Variants in GPHN observed in about 807,000 individuals in gnomAD.
The protein encoded by GPHN is gephyrin.
GPHN carries 17 observed loss-of-function variants against 95.5 expected under a neutral mutation model. The observed-to-expected ratio is 0.18, with a 90% CI of 0.12 to 0.27. The LOEUF (loss-of-function observed/expected upper bound fraction) is 0.27, where lower values mean the gene tolerates loss of function less well. Among genes scored for constraint, GPHN ranks in the 10% least tolerant of loss-of-function variants. The pLI, the probability that GPHN is intolerant of heterozygous loss-of-function variation, is 1.00. For synonymous variants in GPHN, 320 were observed against 322.5 expected (o/e 0.99, Z 0.08); for missense variants, 660 against 978.1 (o/e 0.67, Z 4.34).
At chr14:67,537,931 G>C in the GPHN span, among the ~76,000 whole-genome samples, 1 of 152,160 alleles carries the variant, frequency 6.6e-6, no homozygotes, top group Non-Finnish European at 1.5e-5. Flanking sequence ...CAAGACTATG[G>C]CAGTTTTTTG....
intron 9 of GPHN, among the ~76,000 whole-genome samples, chr14:66,981,619 G>C (rs998310511): frequency 3.9e-5 from 6 of 152,046 alleles, no homozygotes; most frequent in African/African-American, 1.4e-4. Context: ...AAAAAGCCAT[G>C]ATATGGTATA....
In GPHN at chr14:66,748,292, A is replaced by G. The variant is rs2058234927; in HGVS notation, c.144-28172A>G. Among the ~76,000 whole-genome samples the G allele has an allele frequency of 3.3e-5, 5 of 152,200 alleles. No homozygotes were observed. In the South Asian group the frequency reaches 1.0e-3, roughly 32 times the overall value. ...AAAGTTATCACAGGCTTTCTATGGT[A>G]TATGGAATTATAATAACATACTTTT... On this transcript the variant is annotated intron_variant, in intron 2 of 22. Coordinates refer to ENST00000478722, the MANE Select transcript of GPHN (RefSeq NM_020806.5).
the GPHN span, chr14:67,562,098 C>T: frequency 6.2e-6 from 10 of 1,611,184 alleles, no homozygotes; most frequent in South Asian, 2.2e-5. Flanking sequence ...GGCTGAGCTA[C>T]GGGAGCTCTC....
At chr14:66,924,127 C>A in intron 7 of GPHN, 67 bp from the exon 8 acceptor site, 1 of 877,586 alleles carries the variant, frequency 1.1e-6, no homozygotes, top group Non-Finnish European at 1.9e-6. Context: ...CCTTTTTAGT[C>A]ATTTTGCTTG....
intron 4 of GPHN, among the ~76,000 whole-genome samples, chr14:66,832,245 T>A (rs551157548): frequency 3.3e-5 from 5 of 152,306 alleles, no homozygotes; most frequent in South Asian, 2.1e-4. Flanking sequence ...TTCATTGACT[T>A]GCCCAAGACT....
At chr14:66,975,908 T>C (rs1182252572) in intron 9 of GPHN, among the ~76,000 whole-genome samples, 1 of 152,134 alleles carries the variant, frequency 6.6e-6, no homozygotes, top group Non-Finnish European at 1.5e-5. Flanking sequence ...TGAGGACTAG[T>C]TGACCTCAGT....
intron 1 of GPHN, among the ~76,000 whole-genome samples, chr14:66,608,554 T>G (rs1026529786): frequency 1.3e-5 from 2 of 152,142 alleles, no homozygotes; most frequent in African/African-American, 4.8e-5. Flanking sequence ...GTTTTCTTCC[T>G]CAGTGATCTG....
rs1294743791 is a variant in GPHN at position 67,174,852 on chromosome 14, A to T, written c.2080-4726A>T. Among the ~76,000 whole-genome samples, 4 of 151,758 alleles carry T rather than the reference A, an allele frequency of 2.6e-5. No homozygotes were observed. The East Asian group carries it at 7.7e-4, about 29-fold the overall frequency. On this transcript the variant is annotated intron_variant, in intron 21 of 22. Coordinates refer to ENST00000478722, the MANE Select transcript of GPHN (RefSeq NM_020806.5). ...CCAGTCATGGTGAGCATTTTTTCATATGTCTATTGGCTGTAATAAATACCT... is the reference window on the plus strand; with the variant it reads ...CCAGTCATGGTGAGCATTTTTTCATTTGTCTATTGGCTGTAATAAATACCT...
At chr14:67,600,263 C>T in the GPHN span, 19 of 1,377,690 alleles carry the variant, frequency 1.4e-5, 1 homozygote, top group South Asian at 2.4e-4. Context: ...CGGCCCTGGC[C>T]GTCTCGCCCG....
chr14:67,501,817 A>G, the GPHN span, among the ~76,000 whole-genome samples: 1 of 152,198 alleles, frequency 6.6e-6, no homozygotes, highest in Admixed American at 6.5e-5. Flanking sequence ...CATAATCCTC[A>G]CAGCAGGGTC....
chr14:66,682,250 T>G (rs2066983080), intron 2 of GPHN, among the ~76,000 whole-genome samples: 1 of 152,230 alleles, frequency 6.6e-6, no homozygotes, highest in Non-Finnish European at 1.5e-5. Flanking sequence ...TTGCAAATAT[T>G]CCTCCTCCTT....
At chr14:67,313,548 ATAAAG>A in the GPHN span, among the ~76,000 whole-genome samples, 1 of 152,324 alleles carries the variant, frequency 6.6e-6, no homozygotes, top group Non-Finnish European at 1.5e-5. Flanking sequence ...TGGCAGTAGA[ATAAAG>A]AAAGGAGAGC....
intron 2 of GPHN, among the ~76,000 whole-genome samples, chr14:66,707,362 G>A (rs58758660): frequency 0.31 from 47,834 of 151,946 alleles, 11,523 homozygotes; most frequent in African/African-American, 0.65. Context: ...ACACATGCAC[G>A]TGTTTGTTTA....
At chr14:66,760,727 G>T in intron 2 of GPHN, 1 of 464,242 alleles carries the variant, frequency 2.2e-6, no homozygotes, top group South Asian at 1.7e-5. Flanking sequence ...ACTTATAGTG[G>T]ATAATTCATT....
chr14:66,890,143 G>A (rs1208460807), intron 5 of GPHN, among the ~76,000 whole-genome samples: 2 of 152,172 alleles, frequency 1.3e-5, no homozygotes, highest in Non-Finnish European at 2.9e-5. Flanking sequence ...TGGGTACGGT[G>A]GCTCACACCT....
rs1307771735 is a variant in GPHN at position 66,957,131 on chromosome 14, G to GA, written c.829-8051dup. Among the ~76,000 whole-genome samples, 502 of 110,288 alleles carry GA rather than the reference G, an allele frequency of 4.6e-3. 2 individuals carry two copies. The highest frequency in any genetic ancestry group is 0.014 in the African/African-American group (461 of 31,934). The allele number at this position is 110,288 out of a possible 152,430, so 72.4% of individuals were successfully genotyped here. ...AAGTATAATAATAATAAAAAAAAAA[G>GA]AAAAAAAAAGTGTTTAATTTCCACA... On this transcript the variant is annotated intron_variant, in intron 8 of 22. Coordinates refer to ENST00000478722, the MANE Select transcript of GPHN (RefSeq NM_020806.5).
chr14:67,069,517 A>G (rs565993088), intron 11 of GPHN, among the ~76,000 whole-genome samples: 2 of 152,342 alleles, frequency 1.3e-5, no homozygotes, highest in African/African-American at 4.8e-5. Flanking sequence ...TCTAAAAGAG[A>G]TACTTCACTG....
chr14:66,650,457 G>A (rs1434449154), intron 1 of GPHN, among the ~76,000 whole-genome samples: 4 of 152,136 alleles, frequency 2.6e-5, no homozygotes, highest in African/African-American at 9.7e-5. Flanking sequence ...TGCTGCTAAG[G>A]ACATATTTCA....
the GPHN span, chr14:67,727,490 T>TTTTTTTTTG: frequency 1.1e-5 from 4 of 352,572 alleles, no homozygotes; most frequent in Non-Finnish European, 2.2e-5. Context: ...TTTTTGTTTT[T>TTTTTTTTTG]TTTTTTTTGA....
Sources: allele counts gnomAD v4.1 joint callset (sites outside exome capture counted in the v4.1 genomes callset), GRCh38; gene constraint gnomAD v4.1.1; transcripts MANE v1.5; gene names NCBI Gene and HGNC (gene_info 2026-07-23, HGNC 2026-07-21).